Variants in CTNNA2 observed in about 807,000 individuals in gnomAD.
The protein encoded by CTNNA2 is catenin alpha 2.
A neutral mutation model predicts 101.0 loss-of-function variants in CTNNA2; 42 were observed. That is an observed-to-expected ratio of 0.42 (90% CI 0.32 to 0.54). The LOEUF (loss-of-function observed/expected upper bound fraction) is 0.54. Ranked by LOEUF, CTNNA2 falls within the 20% of genes least tolerant of loss-of-function variation. The probability of loss-of-function intolerance (pLI) is 0.14; values close to 1 mark genes in which losing one functional copy is unlikely to be tolerated. For missense variants in CTNNA2, 871 were observed against 1,223.1 expected, an observed-to-expected ratio of 0.71 and a Z score of 4.29; for synonymous variants, 450 against 456.4, an observed-to-expected ratio of 0.99 and a Z score of 0.18.
At chr2:80,499,770 G>A (rs576632382) in intron 9 of CTNNA2, among the ~76,000 whole-genome samples, 2 of 152,124 alleles carry the variant, frequency 1.3e-5, no homozygotes, top group South Asian at 2.1e-4. Context: ...GCAGTGAGCC[G>A]AGATCATGCC....
Position 80,499,383 on chromosome 2 carries a change from T to C in CTNNA2, c.1291-45599T>C, listed in dbSNP as rs1373945719. Among the ~76,000 whole-genome samples the C allele has an allele frequency of 2.0e-5, 3 of 152,298 alleles. No individual in the cohort carries two copies. In the East Asian group the frequency reaches 5.8e-4, roughly 29 times the overall value. The stretch of plus-strand genomic sequence containing the variant: ...TGTACATTATTCAAGTTTTTAAAAA[T>C]GTTCATATTTTCATGGGAATGAGTT... On this transcript the variant is annotated intron_variant, in intron 9 of 18. Transcript: ENST00000402739.
At chr2:79,767,107 G>C (rs1477652602) in intron 3 of CTNNA2, among the ~76,000 whole-genome samples, 2 of 151,642 alleles carry the variant, frequency 1.3e-5, no homozygotes. Flanking sequence ...TCTTTCTTCT[G>C]CTTGATCAAT....
intron 2 of CTNNA2, among the ~76,000 whole-genome samples, chr2:79,728,602 G>C (rs1687008777): frequency 6.6e-6 from 1 of 152,060 alleles, no homozygotes; most frequent in South Asian, 2.1e-4. Flanking sequence ...TGTCAATTTT[G>C]GCTTTTGTTG....
chr2:79,246,856 T>A (rs908387561), intron 2 of CTNNA2, among the ~76,000 whole-genome samples: 9 of 152,236 alleles, frequency 5.9e-5, no homozygotes, highest in African/African-American at 2.2e-4. Context: ...TCAAGCTCTA[T>A]CTGAGGTAGA....
chr2:79,982,192 CTATATATATATATATA>C lies in CTNNA2; in HGVS notation c.1056+72429_1056+72444del, dbSNP rs70940064. On this transcript the variant is annotated intron_variant, in intron 7 of 18. Coordinates refer to ENST00000402739, the MANE Select transcript of CTNNA2 (RefSeq NM_001282597.3). ...TACCTGAGACCACAGGCATGTGCCA[CTATATATATATATATA>C]TATATATATATATATATATATATAT... Among the ~76,000 whole-genome samples, 403 of 75,034 alleles carry C rather than the reference CTATATATATATATATA, an allele frequency of 5.4e-3. 9 individuals carry two copies. Among genetic ancestry groups the C allele is most frequent in the African/African-American group, 0.025 (355 of 14,378 alleles). 49.2% of individuals were successfully genotyped at this position (75,034 alleles called of 152,430 possible).
intron 7 of CTNNA2, among the ~76,000 whole-genome samples, chr2:80,101,447 A>G (rs1283815341): frequency 6.6e-6 from 1 of 152,174 alleles, no homozygotes; most frequent in Non-Finnish European, 1.5e-5. Flanking sequence ...TTTTCACTTG[A>G]GCTGATTCTT....
intron 7 of CTNNA2, among the ~76,000 whole-genome samples, chr2:80,030,901 A>C (rs1436741907): frequency 6.6e-6 from 1 of 152,206 alleles, no homozygotes; most frequent in Non-Finnish European, 1.5e-5. Flanking sequence ...CAACTTCAAT[A>C]ATAATGGAGG....
At chr2:80,119,643 A>T (rs970392654) in intron 7 of CTNNA2, among the ~76,000 whole-genome samples, 3 of 152,226 alleles carry the variant, frequency 2.0e-5, no homozygotes, top group Admixed American at 6.5e-5. Context: ...AATTGTATTT[A>T]CTTCTATCGA....
intron 7 of CTNNA2, among the ~76,000 whole-genome samples, chr2:80,031,895 C>T (rs904597328): frequency 3.9e-5 from 6 of 152,140 alleles, no homozygotes; most frequent in East Asian, 1.9e-4. Context: ...CAGACAACAA[C>T]GATTCCACAT....
intron 9 of CTNNA2, among the ~76,000 whole-genome samples, chr2:80,497,222 C>T (rs190957043): frequency 1.3e-5 from 2 of 152,304 alleles, no homozygotes; most frequent in Admixed American, 6.5e-5. Context: ...TGCCAAACCA[C>T]AGTGCCATTG....
chr2:79,525,723 A>G lies in CTNNA2; in HGVS notation c.-6+12516A>G, dbSNP rs189047269. On this transcript the variant is annotated intron_variant, in intron 1 of 18. Coordinates refer to ENST00000402739, the MANE Select transcript of CTNNA2 (RefSeq NM_001282597.3). ...ATTGACTGTGTATGTGAAATTAGTA[A>G]CAAGTGGTAAGTCGTGGTTCATGGA... Among the ~76,000 whole-genome samples the G allele has an allele frequency of 4.6e-5, 7 of 152,164 alleles. No homozygotes were observed. The East Asian group carries it at 1.4e-3, about 29-fold the overall frequency.
chr2:79,879,992 C>T (rs747543457), intron 6 of CTNNA2, among the ~76,000 whole-genome samples: 2 of 152,100 alleles, frequency 1.3e-5, no homozygotes, highest in Non-Finnish European at 2.9e-5. Flanking sequence ...AGGTATGTTC[C>T]ATCAATACTT....
chr2:79,520,874 G>A (rs915007113), intron 1 of CTNNA2, among the ~76,000 whole-genome samples: 1 of 151,930 alleles, frequency 6.6e-6, no homozygotes, highest in Non-Finnish European at 1.5e-5. Context: ...TACATTGCTG[G>A]TGGGAATGTA....
chr2:79,858,084 G>A lies in CTNNA2; in HGVS notation c.370G>A (p.Val124Ile), dbSNP rs1317826198. The A allele has an allele frequency of 1.2e-6, 2 of 1,614,154 alleles. No homozygotes were observed. The highest frequency in any genetic ancestry group is 8.5e-7 in the Non-Finnish European group (1 of 1,180,012). ...PCSSVKRGTMVRAARALLSAV... is the reference protein window; with the variant it reads ...PCSSVKRGTMIRAARALLSAV... Reference sequence around the variant, plus strand: ...CTCGTCGGTAAAGCGCGGCACCATGGTACGGGCGGCAAGGGCTTTGCTCTC... The same window carrying A: ...CTCGTCGGTAAAGCGCGGCACCATGATACGGGCGGCAAGGGCTTTGCTCTC... The change falls in exon 4 of 19, where the codon GTA becomes ATA. Residue 124 changes from valine to isoleucine, a missense_variant. Val to Ile is a conservative substitution (Grantham distance 29, BLOSUM62 3). Around this residue, in one of 5 missense-constraint regions of CTNNA2, gnomAD observed 647 missense variants for 831.5 expected, o/e 0.78. Coordinates refer to ENST00000402739, the MANE Select transcript of CTNNA2 (RefSeq NM_001282597.3).
chr2:79,708,935 T>A (rs1234991700), intron 2 of CTNNA2, among the ~76,000 whole-genome samples: 1 of 152,222 alleles, frequency 6.6e-6, no homozygotes, highest in African/African-American at 2.4e-5. Flanking sequence ...TACAAAATCG[T>A]CTTTTCCTTT....
Position 79,695,776 on chromosome 2 carries a change from A to G in CTNNA2, c.102+44118A>G, listed in dbSNP as rs142511852. On this transcript the variant is annotated intron_variant, in intron 2 of 18. Coordinates refer to ENST00000402739, the MANE Select transcript of CTNNA2 (RefSeq NM_001282597.3). ...TGGAGGTTAGAGAGGGTCAGTGTGT[A>G]TAACGAGGGATGTCTGACCTGCTAT... Among the ~76,000 whole-genome samples the G allele has an allele frequency of 9.6e-4, 146 of 152,116 alleles. 5 individuals are homozygous for G. The South Asian group carries it at 0.021, about 22-fold the overall frequency.
chr2:80,205,600 A>T (rs993310156), intron 7 of CTNNA2, among the ~76,000 whole-genome samples: 3 of 152,234 alleles, frequency 2.0e-5, no homozygotes, highest in African/African-American at 7.2e-5. Context: ...TCAGCAAATG[A>T]CCACACACAT....
At chr2:79,719,606 GT>G (rs1686344128) in intron 2 of CTNNA2, among the ~76,000 whole-genome samples, 1 of 152,104 alleles carries the variant, frequency 6.6e-6, no homozygotes, top group East Asian at 1.9e-4. Flanking sequence ...GGTATGAGAT[GT>G]TATCTCATTA....
chr2:79,318,931 A>G (rs2104407143), intron 3 of CTNNA2, among the ~76,000 whole-genome samples: 1 of 152,330 alleles, frequency 6.6e-6, no homozygotes. Context: ...CGTTTAAACT[A>G]TGCTAATATC....
Sources: allele counts gnomAD v4.1 joint callset (sites outside exome capture counted in the v4.1 genomes callset), GRCh38; gene constraint gnomAD v4.1.1; regional missense constraint gnomAD v4.1.1; transcripts MANE v1.5; gene names NCBI Gene and HGNC (gene_info 2026-07-23, HGNC 2026-07-21).